ITPR1: variants seen among roughly 807,000 people sequenced by gnomAD.
ITPR1 encodes the protein inositol 1,4,5-trisphosphate receptor type 1.
A neutral mutation model predicts 318.4 loss-of-function variants in ITPR1; 96 were observed. That is an observed-to-expected ratio of 0.30 (90% CI 0.26 to 0.36). ITPR1 has a LOEUF of 0.36. Ranked by LOEUF, ITPR1 falls within the 10% of genes least tolerant of loss-of-function variation. The pLI, the probability that ITPR1 is intolerant of heterozygous loss-of-function variation, is 1.00. For synonymous variants in ITPR1, 1,312 were observed against 1,289.9 expected (o/e 1.02, Z -0.37); for missense variants, 2,440 against 3,460.2 (o/e 0.71, Z 7.40).
chr3:4,710,338 C>T lies in ITPR1; in HGVS notation c.4856C>T (p.Ala1619Val), dbSNP rs747539183. The T allele has an allele frequency of 9.6e-6, 15 of 1,562,414 alleles. No homozygotes were observed. The highest frequency in any genetic ancestry group is 1.8e-4 in the Middle Eastern group (1 of 5,684). The change falls in exon 38 of 62, where the codon GCG (alanine) becomes GTG (valine). Residue 1619 changes from alanine (A) to valine (V), a missense_variant. By Grantham distance (64) the Ala-to-Val change is moderately conservative (BLOSUM62 0). Coordinates refer to ENST00000649015, the MANE Select transcript of ITPR1 (RefSeq NM_001378452.1). This position sits in a 1 kb window ranked among gnomAD's most constrained non-coding sequence, Gnocchi z 4.2. ...IIERLQDIVS[A>V]LEDRLRPLVQ... ...TTTCCGTTTTAGGACATCGTCTCCG[C>T]GCTGGAGGACCGTCTCAGGCCCCTG...
chr3:4,546,097 C>G (rs529018413), intron 4 of ITPR1, among the ~76,000 whole-genome samples: 42 of 152,266 alleles, frequency 2.8e-4, no homozygotes, highest in Middle Eastern at 3.4e-3. Context: ...ATGCAATGCT[C>G]TTGAGACAAC....
intron 47 of ITPR1, among the ~76,000 whole-genome samples, chr3:4,776,244 AT>A (rs1034667579): frequency 1.3e-5 from 2 of 151,728 alleles, no homozygotes; most frequent in African/African-American, 4.8e-5. Context: ...TAATTTTTGT[AT>A]TTTTTTAGTA....
Position 4,683,452 on chromosome 3 carries a change from C to T in ITPR1, c.3228C>T (p.His1076=), listed in dbSNP as rs766131451. 15 of 1,613,952 alleles carry T rather than the reference C, an allele frequency of 9.3e-6. No individual in the cohort carries two copies. Among genetic ancestry groups the T allele is most frequent in the African/African-American group, 1.3e-5 (1 of 74,942 alleles). The part of the protein sequence containing the change: ...GGRTFLRVLL[H]LTMHDYPPLV... ...GAACCTTTCTCCGTGTCCTGCTCCA[C>T]TTGACGATGCATGACTACCCACCCC... Residue 1076 remains histidine, a synonymous_variant, in exon 27 of 62, where the codon CAC becomes CAT. Coordinates refer to ENST00000649015, the MANE Select transcript of ITPR1 (RefSeq NM_001378452.1).
intron 5 of ITPR1, among the ~76,000 whole-genome samples, chr3:4,629,005 C>T (rs541455239): frequency 6.6e-6 from 1 of 152,282 alleles, no homozygotes; most frequent in Admixed American, 6.5e-5. Context: ...TTCAGACGGG[C>T]TGTGATGAAA....
chr3:4,700,423 C>G (rs751633882), intron 35 of ITPR1, among the ~76,000 whole-genome samples: 8 of 152,108 alleles, frequency 5.3e-5, no homozygotes, highest in Non-Finnish European at 1.0e-4. Flanking sequence ...ATTTGTTGAA[C>G]AAATGAATAA....
At chr3:4,684,230 C>A (rs1447579291) in intron 28 of ITPR1, 51 bp from the exon 29 acceptor site, 1 of 1,222,840 alleles carries the variant, frequency 8.2e-7, no homozygotes, top group South Asian at 1.3e-5. Context: ...AAAAAACTGA[C>A]AGTAGCCCAA....
At chr3:4,634,234 A>G (rs1377957931) in intron 5 of ITPR1, among the ~76,000 whole-genome samples, 1 of 151,624 alleles carries the variant, frequency 6.6e-6, no homozygotes, top group Non-Finnish European at 1.5e-5. Context: ...TTTTTTTGAG[A>G]CAGTCTCACC....
At chr3:4,510,141 G>A (rs928840008) in intron 2 of ITPR1, among the ~76,000 whole-genome samples, 1 of 152,200 alleles carries the variant, frequency 6.6e-6, no homozygotes, top group African/African-American at 2.4e-5. Context: ...TTAGCCACAA[G>A]TGGTGGTGGG....
At chr3:4,843,072 G>A (rs2051473342) in intron 61 of ITPR1, among the ~76,000 whole-genome samples, 1 of 127,456 alleles carries the variant, frequency 7.8e-6, no homozygotes, top group African/African-American at 3.0e-5. Flanking sequence ...GGGTTTTGAG[G>A]GGTTTTTTTT....
In ITPR1 at chr3:4,777,382, G is replaced by A; in HGVS notation, c.6291+8G>A. The A allele has an allele frequency of 6.6e-7, 1 of 1,524,770 alleles. No individual in the cohort carries two copies. Among genetic ancestry groups the A allele is most frequent in the Non-Finnish European group, 9.0e-7 (1 of 1,111,298 alleles). 94.5% of individuals were successfully genotyped at this position (1,524,770 alleles called of 1,614,324 possible). ...CTTGTGTTAGAACTGAAGGCAAGTA[G>A]GAATTAAAAGCAGAAGACAGTCATT... On this transcript the variant is annotated splice_region_variant and intron_variant, in intron 48 of 61. Transcript: ENST00000649015.
chr3:4,559,393 T>G (rs1291859856), intron 4 of ITPR1, among the ~76,000 whole-genome samples: 2 of 152,204 alleles, frequency 1.3e-5, no homozygotes, highest in African/African-American at 4.8e-5. Flanking sequence ...TTTTAAAATT[T>G]TAATGGTTAA....
At chr3:4,717,113 G>T (rs2041826388) in intron 39 of ITPR1, among the ~76,000 whole-genome samples, 1 of 152,228 alleles carries the variant, frequency 6.6e-6, no homozygotes, top group African/African-American at 2.4e-5. Context: ...TGCACATGTG[G>T]TTAAGTGACC....
At chr3:4,505,279 A>G (rs187079444) in intron 2 of ITPR1, among the ~76,000 whole-genome samples, 23 of 152,230 alleles carry the variant, frequency 1.5e-4, no homozygotes, top group African/African-American at 5.1e-4. Context: ...TGCAACCTCC[A>G]CCTCATAGGT....
intron 3 of ITPR1, among the ~76,000 whole-genome samples, chr3:4,517,802 G>T (rs1421851555): frequency 3.3e-5 from 5 of 152,018 alleles, no homozygotes; most frequent in Non-Finnish European, 7.4e-5. Context: ...TTCATGGTTG[G>T]CTCCTTCCTG....
chr3:4,715,154 C>G (rs2054870), intron 39 of ITPR1, among the ~76,000 whole-genome samples: 112,594 of 152,106 alleles, frequency 0.74, 42,427 homozygotes, highest in East Asian at 0.88. Flanking sequence ...AATTACAAGG[C>G]AACCTGGCTT....
chr3:4,844,549 A>T (rs58977074), intron 61 of ITPR1, among the ~76,000 whole-genome samples: 2,334 of 152,344 alleles, frequency 0.015, 66 homozygotes, highest in African/African-American at 0.054. Context: ...ATCTGAGCTA[A>T]ACATCTGAAC....
intron 57 of ITPR1, 157 bp from the exon 58 acceptor site, chr3:4,814,265 AG>A: frequency 1.3e-6 from 1 of 793,226 alleles, no homozygotes; most frequent in East Asian, 2.7e-5. Flanking sequence ...AGACGACTTT[AG>A]CTTTTGAAAG....
At chr3:4,842,175 G>A (rs903533138) in intron 61 of ITPR1, among the ~76,000 whole-genome samples, 34 of 152,212 alleles carry the variant, frequency 2.2e-4, no homozygotes, top group African/African-American at 8.2e-4. Flanking sequence ...GTGTTTTCAT[G>A]AACAGTCTTT....
chr3:4,567,206 A>G (rs144838776), intron 4 of ITPR1, among the ~76,000 whole-genome samples: 234 of 152,284 alleles, frequency 1.5e-3, no homozygotes, highest in African/African-American at 5.1e-3. Context: ...CTCCCCTTCA[A>G]TTCTTACCTG....
Sources: allele counts gnomAD v4.1 joint callset (sites outside exome capture counted in the v4.1 genomes callset), GRCh38; gene constraint gnomAD v4.1.1; non-coding constraint Gnocchi (gnomAD v3.1); transcripts MANE v1.5; gene names NCBI Gene and HGNC (gene_info 2026-07-23, HGNC 2026-07-21).